TPTE: variants seen among roughly 807,000 people sequenced by gnomAD.
TPTE encodes the protein transmembrane phosphatase with tensin homology.
A neutral mutation model predicts 84.1 loss-of-function variants in TPTE; 59 were observed. That is an observed-to-expected ratio of 0.70 (90% CI 0.57 to 0.87). TPTE has a LOEUF of 0.87. Ranked by LOEUF, TPTE falls within the 40% of genes least tolerant of loss-of-function variation. TPTE has a pLI of 0.00. For missense variants in TPTE, 382 were observed against 659.6 expected (o/e 0.58, Z 4.61); for synonymous variants, 130 against 223.5 (o/e 0.58, Z 3.73).
chr21:10,540,570 C>G (rs545843273), intron 4 of TPTE, among the ~76,000 whole-genome samples: 1 of 152,312 alleles, frequency 6.6e-6, no homozygotes, highest in Non-Finnish European at 1.5e-5. Flanking sequence ...CCAGCCAAAA[C>G]AAAGAACAGA....
chr21:10,541,052 T>C, intron 4 of TPTE, 60 bp from the exon 5 acceptor site: 6 of 1,607,578 alleles, frequency 3.7e-6, no homozygotes, highest in Non-Finnish European at 5.1e-6. Flanking sequence ...ACTGTAGCTA[T>C]TTGTTGCAAA....
intron 19 of TPTE, among the ~76,000 whole-genome samples, chr21:10,594,911 A>G (rs566512555): frequency 1.3e-5 from 2 of 152,420 alleles, no homozygotes; most frequent in Admixed American, 1.3e-4. Flanking sequence ...ATCTACTCCT[A>G]AGTTAAGGAC....
chr21:10,525,310 A>AAT (rs1568948160), intron 2 of TPTE, among the ~76,000 whole-genome samples: 1 of 152,312 alleles, frequency 6.6e-6, no homozygotes, highest in African/African-American at 2.4e-5. Context: ...CCCTTGCATA[A>AAT]ACAGGATAAA....
intron 3 of TPTE, among the ~76,000 whole-genome samples, chr21:10,528,476 T>C (rs965204320): frequency 6.6e-6 from 1 of 152,310 alleles, no homozygotes; most frequent in African/African-American, 2.4e-5. Flanking sequence ...ATCTTTTAGA[T>C]TCAAGGAATT....
chr21:10,545,635 T>TACACACACACAC (rs3049867), intron 7 of TPTE, among the ~76,000 whole-genome samples: 9 of 151,108 alleles, frequency 6.0e-5, no homozygotes, highest in South Asian at 2.1e-4. Context: ...AGGATCTATC[T>TACACACACACAC]ACACACACAC....
Position 10,605,582 on chromosome 21 carries a change from G to T in TPTE, c.*30G>T, listed in dbSNP as rs367961014. 14 of 1,613,820 alleles carry T rather than the reference G, an allele frequency of 8.7e-6. No homozygotes were observed. The highest frequency in any genetic ancestry group is 4.5e-5 in the East Asian group (2 of 44,866). ...AGCTCCCCCTTCCCCTTCTGGGAAAGAATTATGTTCTTTCCAACCCTGCCA... is the reference window on the plus strand; with the variant it reads ...AGCTCCCCCTTCCCCTTCTGGGAAATAATTATGTTCTTTCCAACCCTGCCA... On this transcript the variant is annotated 3_prime_UTR_variant, in exon 24 of 24. Transcript: ENST00000618007.
chr21:10,563,926 C>T (rs1430855443), intron 10 of TPTE, among the ~76,000 whole-genome samples: 1 of 152,310 alleles, frequency 6.6e-6, no homozygotes, highest in African/African-American at 2.4e-5. Context: ...GAGGCCAAGG[C>T]AGGCAGATCA....
At chr21:10,548,428 T>A (rs2074511934) in intron 7 of TPTE, among the ~76,000 whole-genome samples, 1 of 152,308 alleles carries the variant, frequency 6.6e-6, no homozygotes, top group African/African-American at 2.4e-5. Context: ...CATGGGCTAC[T>A]CCCAGAAGAC....
intron 17 of TPTE, among the ~76,000 whole-genome samples, chr21:10,583,181 G>A (rs1255498180): frequency 6.6e-6 from 1 of 152,308 alleles, no homozygotes; most frequent in Non-Finnish European, 1.5e-5. Flanking sequence ...TAAAACAGTT[G>A]TAACAATTTT....
chr21:10,551,000 T>TA (rs1378600853), intron 7 of TPTE, among the ~76,000 whole-genome samples: 1 of 152,308 alleles, frequency 6.6e-6, no homozygotes, highest in Non-Finnish European at 1.5e-5. Context: ...GCCCTTGAGT[T>TA]ACAGTGAGTG....
chr21:10,522,339 C>T (rs1219659667), intron 1 of TPTE, among the ~76,000 whole-genome samples: 11 of 151,106 alleles, frequency 7.3e-5, no homozygotes, highest in African/African-American at 2.7e-4. Flanking sequence ...TGAGTCTCCG[C>T]CGGGAGCGGG....
chr21:10,596,191 C>G, intron 20 of TPTE, 104 bp downstream of exon 20: 1 of 1,477,782 alleles, frequency 6.8e-7, no homozygotes, highest in Non-Finnish European at 9.4e-7. Context: ...CTAACTCATA[C>G]TTGTCTTTTT....
chr21:10,531,362 C>T (rs1352246491), intron 3 of TPTE, among the ~76,000 whole-genome samples: 8 of 152,302 alleles, frequency 5.3e-5, no homozygotes, highest in Non-Finnish European at 1.0e-4. Context: ...CGGCTTCCCG[C>T]ACCTTGATTC....
At chr21:10,579,170 T>G in intron 17 of TPTE, among the ~76,000 whole-genome samples, 1 of 152,312 alleles carries the variant, frequency 6.6e-6, no homozygotes, top group Non-Finnish European at 1.5e-5. Context: ...GTCACTATGT[T>G]GTACAATAAA....
intron 4 of TPTE, 116 bp from the exon 5 acceptor site, chr21:10,540,996 T>C: frequency 6.8e-7 from 1 of 1,467,276 alleles, no homozygotes; most frequent in Admixed American, 1.8e-5. Flanking sequence ...GTGATATACA[T>C]ACATGTGAAT....
chr21:10,560,406 TA>T (rs1240013118), intron 9 of TPTE, among the ~76,000 whole-genome samples: 9 of 152,306 alleles, frequency 5.9e-5, no homozygotes, highest in Non-Finnish European at 7.3e-5. Context: ...TTCACCTTTA[TA>T]GACTAGGCAA....
chr21:10,546,275 C>T (rs1353049052), intron 7 of TPTE, among the ~76,000 whole-genome samples: 1 of 152,310 alleles, frequency 6.6e-6, no homozygotes, highest in Admixed American at 6.5e-5. Context: ...GCAACACGAA[C>T]CATGTCCATA....
In TPTE at chr21:10,605,443, A is replaced by G. The variant is rs1979169332; in HGVS notation, c.1547A>G (p.Asp516Gly). The G allele has an allele frequency of 6.2e-7, 1 of 1,614,190 alleles. No homozygotes were observed. Among genetic ancestry groups the G allele is most frequent in the Non-Finnish European group, 8.5e-7 (1 of 1,179,990 alleles). The change falls in exon 24 of 24, where the codon GAT (aspartate) becomes GGT (glycine). Residue 516 changes from aspartate to glycine, a missense_variant. Coordinates refer to ENST00000618007, the MANE Select transcript of TPTE (RefSeq NM_199261.4). ...NRLYLPKNEL[D>G]NLHKQKARRI... ...CTTTATCTACCAAAAAATGAATTGG[A>G]TAATCTACATAAACAAAAAGCACGG... is the stretch of plus-strand genomic sequence containing the variant.
At chr21:10,542,551 C>CCATG in intron 6 of TPTE, 103 bp downstream of exon 6, 2 of 1,388,434 alleles carry the variant, frequency 1.4e-6, no homozygotes, top group Non-Finnish European at 2.0e-6. Context: ...ATCCATCCAT[C>CCATG]CATCCATCCA....
Sources: gnomAD v4.1 joint callset for allele counts (sites outside exome capture counted in the v4.1 genomes callset) on GRCh38, gnomAD v4.1.1 for gene constraint, MANE v1.5 for transcripts, NCBI Gene and HGNC (gene_info 2026-07-23, HGNC 2026-07-21) for gene names.